The following RNF152 variants were observed in gnomAD, a reference collection of about 807,000 sequenced individuals.
RNF152 encodes ring finger protein 152, also known as E3 ubiquitin-protein ligase RNF152.
In RNF152, 11 loss-of-function variants were observed where a neutral mutation model predicts 12.7. The ratio of observed to expected loss-of-function variants is 0.86; its 90% CI spans 0.54 to 1.43. The LOEUF (loss-of-function observed/expected upper bound fraction) is 1.43. Ranked by LOEUF, RNF152 falls within the 40% of genes most tolerant of loss-of-function variation. The pLI is 0.00. For synonymous variants in RNF152, 113 were observed against 120.3 expected (o/e 0.94, Z 0.40); for missense variants, 255 against 274.8 (o/e 0.93, Z 0.51).
At chr18:61,848,103 T>C (rs1910816353) in intron 1 of RNF152, among the ~76,000 whole-genome samples, 1 of 152,112 alleles carries the variant, frequency 6.6e-6, no homozygotes, top group Admixed American at 6.5e-5. Context: ...TGGGGCTGCA[T>C]TCCCAGCATC....
chr18:61,853,072 A>T (rs1240479616), intron 1 of RNF152, among the ~76,000 whole-genome samples: 1 of 152,220 alleles, frequency 6.6e-6, no homozygotes, highest in Non-Finnish European at 1.5e-5. Flanking sequence ...TGTAAGATAC[A>T]ATGTCACATT....
chr18:61,843,211 C>T (rs187135166), intron 1 of RNF152, among the ~76,000 whole-genome samples: 14 of 152,248 alleles, frequency 9.2e-5, no homozygotes, highest in Admixed American at 5.2e-4. Context: ...CTTTTCAACT[C>T]GTGCACACCC....
intron 1 of RNF152, among the ~76,000 whole-genome samples, chr18:61,884,282 G>A (rs947325995): frequency 2.6e-5 from 4 of 152,224 alleles, no homozygotes; most frequent in South Asian, 2.1e-4. Flanking sequence ...CGTGGCAGAC[G>A]TGAAATTTAA....
chr18:61,864,975 G>T (rs757364051), intron 1 of RNF152, among the ~76,000 whole-genome samples: 2 of 152,066 alleles, frequency 1.3e-5, no homozygotes, highest in Admixed American at 6.5e-5. Context: ...AGCTGAGCTC[G>T]TGCCATTGCA....
intron 1 of RNF152, among the ~76,000 whole-genome samples, chr18:61,892,503 T>G (rs995624728): frequency 6.6e-6 from 1 of 152,126 alleles, no homozygotes; most frequent in Non-Finnish European, 1.5e-5. Flanking sequence ...AACCTAACAT[T>G]CAGATACAAC....
intron 1 of RNF152, among the ~76,000 whole-genome samples, chr18:61,861,860 A>G (rs1911503031): frequency 6.6e-6 from 1 of 152,262 alleles, no homozygotes; most frequent in Admixed American, 6.5e-5. Flanking sequence ...AACCCACAGA[A>G]CATTCATCTA....
At chr18:61,893,181 C>G (rs371019793), upstream of RNF152, 1 of 151,746 alleles carries the variant, frequency 6.6e-6, no homozygotes, top group African/African-American at 2.4e-5. Context: ...CAACAGTAAG[C>G]CCTAGGAAAG....
At chr18:61,841,450 G>T (rs1402764902) in intron 1 of RNF152, among the ~76,000 whole-genome samples, 2 of 152,298 alleles carry the variant, frequency 1.3e-5, no homozygotes, top group Non-Finnish European at 2.9e-5. Flanking sequence ...CTTTATTTAA[G>T]AATAATGAAT....
chr18:61,860,037 ACAGAAAAGACT>A (rs574261321), intron 1 of RNF152, among the ~76,000 whole-genome samples: 1,568 of 152,228 alleles, frequency 0.01, 11 homozygotes, highest in South Asian at 0.017. Flanking sequence ...GTCCTTTAAT[ACAGAAAAGACT>A]CAGAAAAGAC....
At chr18:61,849,361 A>G (rs1910871708) in intron 1 of RNF152, among the ~76,000 whole-genome samples, 1 of 152,202 alleles carries the variant, frequency 6.6e-6, no homozygotes, top group Non-Finnish European at 1.5e-5. Flanking sequence ...TGGACCCATA[A>G]TTACTTTTGA....
At chr18:61,849,496 G>T (rs969338948) in intron 1 of RNF152, among the ~76,000 whole-genome samples, 1 of 152,178 alleles carries the variant, frequency 6.6e-6, no homozygotes, top group African/African-American at 2.4e-5. Context: ...ACAGCCACAC[G>T]AAGGGGATTG....
chr18:61,818,877 G>C (rs1247453230), intron 1 of RNF152, among the ~76,000 whole-genome samples: 4 of 152,078 alleles, frequency 2.6e-5, no homozygotes, highest in African/African-American at 9.7e-5. Flanking sequence ...CCATAAGAAA[G>C]TCCTGGCCTA....
At chr18:61,860,423 T>A (rs934726202) in intron 1 of RNF152, among the ~76,000 whole-genome samples, 1 of 152,174 alleles carries the variant, frequency 6.6e-6, no homozygotes, top group African/African-American at 2.4e-5. Context: ...GCTGGTCCCA[T>A]AAGATTATAA....
At chr18:61,889,569 G>A (rs1175634245) in intron 1 of RNF152, among the ~76,000 whole-genome samples, 1 of 152,168 alleles carries the variant, frequency 6.6e-6, no homozygotes, top group African/African-American at 2.4e-5. Flanking sequence ...CACCCTCCTA[G>A]TCAATACAGT....
chr18:61,853,865 T>C (rs977661209), intron 1 of RNF152, among the ~76,000 whole-genome samples: 11 of 152,200 alleles, frequency 7.2e-5, no homozygotes, highest in African/African-American at 2.7e-4. Flanking sequence ...GTTCCAAGGA[T>C]GAGGACAAGG....
intron 1 of RNF152, among the ~76,000 whole-genome samples, chr18:61,864,352 A>G (rs1911635264): frequency 6.6e-6 from 1 of 152,214 alleles, no homozygotes; most frequent in Non-Finnish European, 1.5e-5. Context: ...TGGCTGGCAG[A>G]ACTCAGGAAC....
chr18:61,867,497 T>C (rs916325834), intron 1 of RNF152, among the ~76,000 whole-genome samples: 4 of 151,208 alleles, frequency 2.6e-5, no homozygotes, highest in African/African-American at 9.7e-5. Flanking sequence ...CTCAGTCTGG[T>C]TTTTATAGTT....
intron 1 of RNF152, among the ~76,000 whole-genome samples, chr18:61,817,632 G>A (rs1433980577): frequency 6.6e-6 from 1 of 151,880 alleles, no homozygotes; most frequent in Non-Finnish European, 1.5e-5. Context: ...TGGGGGTCCT[G>A]GAACCAATGC....
intron 1 of RNF152, among the ~76,000 whole-genome samples, chr18:61,832,530 T>C (rs1330500271): frequency 6.6e-6 from 1 of 152,190 alleles, no homozygotes; most frequent in African/African-American, 2.4e-5. Flanking sequence ...AATCCACAAA[T>C]AACTGCTTGA....
Sources: gnomAD v4.1 joint callset for allele counts (sites outside exome capture counted in the v4.1 genomes callset) on GRCh38, gnomAD v4.1.1 for gene constraint, MANE v1.5 for transcripts, NCBI Gene and HGNC (gene_info 2026-07-23, HGNC 2026-07-21) for gene names.